The following URI1 variants were observed in gnomAD, a reference collection of about 807,000 sequenced individuals.
URI1 encodes unconventional prefoldin RPB5 interactor 1.
In URI1, 39 loss-of-function variants were observed where a neutral mutation model predicts 60.2. The observed-to-expected ratio is 0.65, with a 90% CI of 0.50 to 0.85. The LOEUF (loss-of-function observed/expected upper bound fraction) is 0.85. URI1 is among the 40% of genes least tolerant of loss of function. The probability of loss-of-function intolerance (pLI) is 0.00; values close to 1 mark genes in which losing one functional copy is unlikely to be tolerated. For synonymous variants in URI1, 251 were observed against 236.8 expected, an observed-to-expected ratio of 1.06 and a Z score of -0.55; for missense variants, 691 against 665.9, an observed-to-expected ratio of 1.04 and a Z score of -0.42.
At chr19:30,001,353 G>T (rs1156905998) in intron 4 of URI1, among the ~76,000 whole-genome samples, 1 of 151,832 alleles carries the variant, frequency 6.6e-6, no homozygotes, top group African/African-American at 2.4e-5. Context: ...AGTATCAGCA[G>T]ATTCTACAAA....
intron 1 of URI1, among the ~76,000 whole-genome samples, chr19:29,961,464 C>G (rs983578657): frequency 2.0e-5 from 3 of 151,954 alleles, no homozygotes; most frequent in African/African-American, 7.3e-5. Flanking sequence ...AAGGTTCGTC[C>G]ACGTTGTGGC....
At chr19:30,000,199 G>A (rs763326599) in intron 4 of URI1, among the ~76,000 whole-genome samples, 20 of 151,544 alleles carry the variant, frequency 1.3e-4, no homozygotes, top group African/African-American at 3.1e-4. Flanking sequence ...TTGTTGCATA[G>A]TTTTCTATGT....
At chr19:29,966,871 C>T (rs1368963189) in intron 1 of URI1, among the ~76,000 whole-genome samples, 1 of 152,156 alleles carries the variant, frequency 6.6e-6, no homozygotes, top group East Asian at 1.9e-4. Context: ...TGCATTAACC[C>T]ATACAGGAAG....
At chr19:30,014,847 A>C (rs775542592) in intron 10 of URI1, 40 bp from the exon 11 acceptor site, 2 of 1,557,524 alleles carry the variant, frequency 1.3e-6, no homozygotes, top group African/African-American at 2.8e-5. Flanking sequence ...TGGGTGTCTT[A>C]TTTGCATTTT....
rs1185876541 is a variant in URI1, at chr19:29,942,242, T to G, written c.-306T>G. On this transcript the variant is annotated 5_prime_UTR_variant, in exon 1 of 11. Transcript: ENST00000392271. ...GGCGTGCCGCGAGAGGCGGGGCGTG[T>G]GGGGAGGCGCGGCCGCCACGCGACG... 2.0e-6 allele frequency: 2 copies of G among 983,504 alleles called. No homozygotes were observed. Among genetic ancestry groups the G allele is most frequent in the African/African-American group, 3.5e-5 (2 of 56,686 alleles). 60.9% of individuals were successfully genotyped at this position (983,504 alleles called of 1,614,324 possible).
chr19:29,997,330 G>T (rs1406296033), intron 4 of URI1, among the ~76,000 whole-genome samples: 1 of 152,004 alleles, frequency 6.6e-6, no homozygotes, highest in Non-Finnish European at 1.5e-5. Flanking sequence ...CAAACTTGTT[G>T]GCAGTCAGTT....
At chr19:30,012,612 G>T in intron 10 of URI1, 81 bp downstream of exon 10, 1 of 1,497,250 alleles carries the variant, frequency 6.7e-7, no homozygotes, top group Non-Finnish European at 8.9e-7. Context: ...AAAGTCATAA[G>T]ATTAAATTAA....
At chr19:29,924,928 T>C (rs1043246498) in intron 1 of URI1, among the ~76,000 whole-genome samples, 3 of 151,420 alleles carry the variant, frequency 2.0e-5, no homozygotes, top group Non-Finnish European at 4.4e-5. Context: ...CTCCGCCTCC[T>C]GGATTCAAGT....
At chr19:29,979,901 C>T (rs2055571539) in intron 2 of URI1, among the ~76,000 whole-genome samples, 1 of 152,038 alleles carries the variant, frequency 6.6e-6, no homozygotes, top group Non-Finnish European at 1.5e-5. Context: ...AAGTGTAATG[C>T]TATTGATTTA....
chr19:29,951,777 A>G lies in URI1; in HGVS notation c.117+9113A>G, dbSNP rs2112394. Among the ~76,000 whole-genome samples the G allele has an allele frequency of 6.8e-3, 1,031 of 152,118 alleles. 10 individuals are homozygous for G. The highest frequency in any genetic ancestry group is 0.024 in the African/African-American group (975 of 41,470). On this transcript the variant is annotated intron_variant, in intron 1 of 10. Transcript: ENST00000392271. ...TGGCCAGGCTGGTCTCGATCTCCTG[A>G]CCTCAGGTGATCCACCTGCCTTGGC...
intron 1 of URI1, among the ~76,000 whole-genome samples, chr19:29,936,026 T>C (rs1168334121): frequency 6.6e-6 from 1 of 152,166 alleles, no homozygotes; most frequent in African/African-American, 2.4e-5. Flanking sequence ...GACCTCATGA[T>C]CCACCTGCCT....
Position 30,015,967 on chromosome 19 carries a change from A to G in URI1, c.*898A>G, listed in dbSNP as rs989830318. The stretch of plus-strand genomic sequence containing the variant: ...GGCTACTTTCCTACTAACTGAAATA[A>G]CACATTTACTTTTACCACAATTCCT... On this transcript the variant is annotated 3_prime_UTR_variant, in exon 11 of 11. Coordinates refer to ENST00000392271, the MANE Select transcript of URI1 (RefSeq NM_003796.3). The G allele has an allele frequency of 1.2e-5, 2 of 165,710 alleles. No individual in the cohort carries two copies. The highest frequency in any genetic ancestry group is 2.6e-5 in the Non-Finnish European group (2 of 77,598). 10.3% of individuals were successfully genotyped at this position (165,710 alleles called of 1,614,324 possible).
intron 4 of URI1, among the ~76,000 whole-genome samples, chr19:29,987,464 T>C (rs1447903092): frequency 6.6e-6 from 1 of 152,236 alleles, no homozygotes; most frequent in African/African-American, 2.4e-5. Context: ...TTGTTAGGCC[T>C]GTATGTAATT....
chr19:30,014,775 A>C (rs1352584911), intron 10 of URI1, 112 bp from the exon 11 acceptor site: 6 of 1,115,008 alleles, frequency 5.4e-6, no homozygotes, highest in Admixed American at 2.3e-5. Context: ...TGTCTAGCCA[A>C]AAATCTCGTG....
chr19:29,942,497 G>T lies in URI1; in HGVS notation c.-51G>T, dbSNP rs924357680. ...GGCAACTGCCGGCCGCGCCGCCTGC[G>T]CAGGCGCTGGTTCAGGACTCACACG... is the stretch of plus-strand genomic sequence containing the variant. On this transcript the variant is annotated 5_prime_UTR_variant, in exon 1 of 11. Coordinates refer to ENST00000392271, the MANE Select transcript of URI1 (RefSeq NM_003796.3). 5 of 1,167,378 alleles carry T rather than the reference G, an allele frequency of 4.3e-6. No homozygotes were observed. In the African/African-American group the frequency reaches 8.1e-5, roughly 19 times the overall value. 72.3% of individuals were successfully genotyped at this position (1,167,378 alleles called of 1,614,324 possible).
chr19:29,942,177 A>T (rs2055033531), upstream of URI1: 1 of 977,822 alleles, frequency 1.0e-6, no homozygotes, highest in Non-Finnish European at 1.2e-6. Flanking sequence ...GGCCTGCGCG[A>T]GCTGGGCGTG....
intron 1 of URI1, among the ~76,000 whole-genome samples, chr19:29,931,497 T>C (rs558434529): frequency 6.6e-6 from 1 of 152,286 alleles, no homozygotes; most frequent in Non-Finnish European, 1.5e-5. Context: ...GGCCCCACCT[T>C]CATTTAACAT....
chr19:29,927,599 C>T (rs1315925789), intron 1 of URI1, among the ~76,000 whole-genome samples: 3 of 115,478 alleles, frequency 2.6e-5, no homozygotes, highest in African/African-American at 7.7e-5. Flanking sequence ...GACAGAGTCT[C>T]ACTCTGTCGC....
Position 30,014,089 on chromosome 19 carries a change from AAATT to A in URI1, c.1426-795_1426-792del, listed in dbSNP as rs1310688384. On this transcript the variant is annotated intron_variant, in intron 10 of 10. Transcript: ENST00000392271. ...ACCAGCAATCTTAAAAAAAAAAAAA[AAATT>A]AACTCCTTGTGTCTTACCTATTTTT... The A allele has an allele frequency of 1.0e-3, 155 of 152,176 alleles. 3 individuals carry two copies. Among genetic ancestry groups the A allele is most frequent in the African/African-American group, 3.7e-3 (153 of 41,544 alleles). 9.4% of individuals were successfully genotyped at this position (152,176 alleles called of 1,614,324 possible).
Sources: gnomAD v4.1 joint callset for allele counts (sites outside exome capture counted in the v4.1 genomes callset) on GRCh38, gnomAD v4.1.1 for gene constraint, MANE v1.5 for transcripts, NCBI Gene and HGNC (gene_info 2026-07-23, HGNC 2026-07-21) for gene names.